MYO3A: variants seen among roughly 807,000 people sequenced by gnomAD.
MYO3A encodes myosin IIIA.
MYO3A carries 180 observed loss-of-function variants against 192.7 expected under a neutral mutation model. The ratio of observed to expected loss-of-function variants is 0.93; its 90% CI spans 0.83 to 1.06. MYO3A has a LOEUF of 1.06. Ranked by LOEUF, MYO3A falls within the 50% of genes least tolerant of loss-of-function variation. The pLI, the probability that MYO3A is intolerant of heterozygous loss-of-function variation, is 0.00. For missense variants in MYO3A, 1,896 were observed against 1,905.0 expected, an observed-to-expected ratio of 1.00 and a Z score of 0.09; for synonymous variants, 628 against 645.3, an observed-to-expected ratio of 0.97 and a Z score of 0.41.
chr10:26,182,915 C>T (rs115723830), intron 31 of MYO3A, among the ~76,000 whole-genome samples: 2 of 152,194 alleles, frequency 1.3e-5, no homozygotes, highest in South Asian at 2.1e-4. Flanking sequence ...TCTGTTGTGG[C>T]GCCCTGTTTT....
At position 26,166,130 on chromosome 10, in the gene MYO3A, C is replaced by A. The variant is rs1841736197; in HGVS notation, c.3063C>A (p.Thr1021=). The A allele has an allele frequency of 1.2e-6, 2 of 1,613,960 alleles. No homozygotes were observed. Among genetic ancestry groups the A allele is most frequent in the African/African-American group, 1.3e-5 (1 of 74,922 alleles). The change falls in exon 27 of 35, where the codon ACC becomes ACA. Residue 1021 remains threonine (T), a synonymous_variant. Coordinates refer to ENST00000642920, the MANE Select transcript of MYO3A (RefSeq NM_017433.5). ...EPRMSPDTCA[T]ILEKAGLDNW... ...GCATGAGCCCTGACACCTGTGCCACCATTTTGGAAAAAGCTGGTCTCGATA... is the reference window on the plus strand; with the variant it reads ...GCATGAGCCCTGACACCTGTGCCACAATTTTGGAAAAAGCTGGTCTCGATA...
chr10:26,040,688 G>A (rs1843295604), intron 10 of MYO3A, among the ~76,000 whole-genome samples: 3 of 152,076 alleles, frequency 2.0e-5, no homozygotes, highest in Admixed American at 6.5e-5. Flanking sequence ...TCATTTCTAT[G>A]TGTTTGTGTA....
chr10:26,062,530 A>AAAAAAAAAAAAAAAAAGAAAACG (rs1554816581), intron 10 of MYO3A, among the ~76,000 whole-genome samples: 1 of 125,946 alleles, frequency 7.9e-6, no homozygotes, highest in Non-Finnish European at 1.7e-5. Flanking sequence ...AAAAAAAAAA[A>AAAAAAAAAAAAAAAAAGAAAACG]AAATTATGGA....
At chr10:25,954,130 T>C (rs1837387152) in intron 3 of MYO3A, among the ~76,000 whole-genome samples, 2 of 152,110 alleles carry the variant, frequency 1.3e-5, no homozygotes, top group South Asian at 4.1e-4. Flanking sequence ...CCTTTAAAAT[T>C]AGAGCTCAGA....
At chr10:26,144,267 A>G (rs1564592470) in intron 21 of MYO3A, among the ~76,000 whole-genome samples, 1 of 152,128 alleles carries the variant, frequency 6.6e-6, no homozygotes, top group African/African-American at 2.4e-5. Flanking sequence ...TTAAACGCAG[A>G]ACATTGTGTT....
At chr10:26,097,189 T>C (rs1837091159) in intron 17 of MYO3A, among the ~76,000 whole-genome samples, 1 of 152,082 alleles carries the variant, frequency 6.6e-6, no homozygotes, top group Non-Finnish European at 1.5e-5. Flanking sequence ...AATTAGCATA[T>C]TTCTGATGCA....
chr10:26,002,863 CCCTGTA>C (rs1840934261), intron 6 of MYO3A, among the ~76,000 whole-genome samples: 1 of 152,090 alleles, frequency 6.6e-6, no homozygotes, highest in African/African-American at 2.4e-5. Flanking sequence ...TTCCCCAACG[CCCTGTA>C]CTTCATTTAG....
chr10:26,188,760 C>A (rs535647809), intron 31 of MYO3A, among the ~76,000 whole-genome samples: 1 of 152,278 alleles, frequency 6.6e-6, no homozygotes, highest in South Asian at 2.1e-4. Flanking sequence ...TCCCCCATTT[C>A]TTGTTTTTGT....
intron 17 of MYO3A, among the ~76,000 whole-genome samples, chr10:26,115,112 A>G (rs1471849918): frequency 3.3e-5 from 5 of 152,212 alleles, no homozygotes; most frequent in Non-Finnish European, 2.9e-5. Flanking sequence ...ATGCCTTGGT[A>G]GGAAGCTGGA....
chr10:25,984,480 A>G (rs1243737273), intron 4 of MYO3A, among the ~76,000 whole-genome samples: 2 of 152,218 alleles, frequency 1.3e-5, no homozygotes, highest in African/African-American at 4.8e-5. Flanking sequence ...TATGCAAACC[A>G]GAAACCACCT....
intron 18 of MYO3A, among the ~76,000 whole-genome samples, chr10:26,122,291 T>G (rs1838919963): frequency 6.6e-6 from 1 of 152,230 alleles, no homozygotes; most frequent in South Asian, 2.1e-4. Flanking sequence ...ATGTTGATAT[T>G]AATATGAATA....
At chr10:26,198,299 G>A (rs565174710) in intron 32 of MYO3A, among the ~76,000 whole-genome samples, 18 of 152,142 alleles carry the variant, frequency 1.2e-4, no homozygotes, top group African/African-American at 3.4e-4. Context: ...GAGCCAAGCC[G>A]CAGAAGCGTG....
intron 14 of MYO3A, among the ~76,000 whole-genome samples, chr10:26,080,938 C>A (rs190818195): frequency 6.6e-6 from 1 of 152,082 alleles, no homozygotes; most frequent in African/African-American, 2.4e-5. Flanking sequence ...GATACCAGCA[C>A]GTGTTCTGGT....
chr10:26,156,039 C>A (rs1460082446), intron 25 of MYO3A, among the ~76,000 whole-genome samples: 1 of 152,152 alleles, frequency 6.6e-6, no homozygotes, highest in African/African-American at 2.4e-5. Flanking sequence ...ATGCTTTAGT[C>A]CCTCAGAAAA....
chr10:26,177,680 T>C (rs574999212), intron 31 of MYO3A, among the ~76,000 whole-genome samples: 6 of 152,242 alleles, frequency 3.9e-5, no homozygotes, highest in Non-Finnish European at 8.8e-5. Context: ...AATCTGCATT[T>C]ATTTTCCCTT....
At chr10:26,010,207 G>A (rs1841535682) in intron 6 of MYO3A, among the ~76,000 whole-genome samples, 1 of 127,546 alleles carries the variant, frequency 7.8e-6, no homozygotes, top group Non-Finnish European at 1.6e-5. Context: ...AGGAAGACTG[G>A]AGAGGATGGA....
At chr10:26,154,853 T>C (rs1188775159) in intron 25 of MYO3A, 30 bp downstream of exon 25, 1 of 1,567,906 alleles carries the variant, frequency 6.4e-7, no homozygotes, top group East Asian at 2.3e-5. Context: ...TGTATTGTGC[T>C]TAGGGGTGCT....
chr10:26,043,765 A>G (rs189010777), intron 10 of MYO3A, among the ~76,000 whole-genome samples: 4 of 152,302 alleles, frequency 2.6e-5, no homozygotes, highest in East Asian at 3.9e-4. Flanking sequence ...CCCAGACTCA[A>G]GACCTGGAAT....
At chr10:25,989,636 G>C (rs949178856) in intron 4 of MYO3A, among the ~76,000 whole-genome samples, 5 of 152,096 alleles carry the variant, frequency 3.3e-5, no homozygotes, top group African/African-American at 1.2e-4. Context: ...TTAGAAATGT[G>C]CCTGGCACAA....
Sources: allele counts gnomAD v4.1 joint callset (sites outside exome capture counted in the v4.1 genomes callset), GRCh38; gene constraint gnomAD v4.1.1; transcripts MANE v1.5; gene names NCBI Gene and HGNC (gene_info 2026-07-23, HGNC 2026-07-21).